Variants in MYT1 observed in about 807,000 individuals in gnomAD.
MYT1 encodes myelin transcription factor I.
MYT1 carries 23 observed loss-of-function variants against 123.0 expected under a neutral mutation model. The ratio of observed to expected loss-of-function variants is 0.19; its 90% CI spans 0.13 to 0.26. The LOEUF is 0.26. MYT1 is among the 10% of genes least tolerant of loss of function. The probability of loss-of-function intolerance (pLI) is 1.00; values close to 1 mark genes in which losing one functional copy is unlikely to be tolerated. For missense variants in MYT1, 1,125 were observed against 1,472.5 expected (o/e 0.76, Z 3.86); for synonymous variants, 518 against 575.3 (o/e 0.90, Z 1.43).
intron 16 of MYT1, among the ~76,000 whole-genome samples, chr20:64,224,375 C>G (rs1984104821): frequency 6.6e-6 from 1 of 152,208 alleles, no homozygotes; most frequent in Non-Finnish European, 1.5e-5. Flanking sequence ...TTCTAGGGAC[C>G]TTGGCTGGCT....
rs1165097721 is a variant in MYT1 at position 64,167,270 on chromosome 20, T to C, written c.-99+2531T>C. The stretch of plus-strand genomic sequence containing the variant: ...GCCTCCAGCCGCTGCTCGGTGGCAG[T>C]GGGCGGGCTGGTGGGGGCTGAGCTC... On this transcript the variant is annotated intron_variant, in intron 1 of 22. Transcript: ENST00000328439. This position sits in a 1 kb window ranked among gnomAD's most constrained non-coding sequence, Gnocchi z 6.3. Among the ~76,000 whole-genome samples, 1 of 152,144 alleles carries C rather than the reference T, an allele frequency of 6.6e-6. No individual in the cohort carries two copies. Among genetic ancestry groups the C allele is most frequent in the Non-Finnish European group, 1.5e-5 (1 of 67,998 alleles).
intron 3 of MYT1, 24 bp downstream of exon 3, chr20:64,198,940 C>G (rs777972769): frequency 6.2e-7 from 1 of 1,612,834 alleles, no homozygotes; most frequent in African/African-American, 1.3e-5. Flanking sequence ...TCCCCTCCTC[C>G]AGGGCTGTAA....
In MYT1 at chr20:64,167,286, G is replaced by A. The variant is rs766140392; in HGVS notation, c.-99+2547G>A. Among the ~76,000 whole-genome samples the A allele has an allele frequency of 7.4e-4, 112 of 152,332 alleles. No individual in the cohort carries two copies. Among genetic ancestry groups the A allele is most frequent in the Non-Finnish European group, 1.3e-3 (89 of 68,022 alleles). ...CGGTGGCAGTGGGCGGGCTGGTGGG[G>A]GCTGAGCTCTTCCTGGACGGACTCA... On this transcript the variant is annotated intron_variant, in intron 1 of 22. Coordinates refer to ENST00000328439, the MANE Select transcript of MYT1 (RefSeq NM_004535.3). This position sits in a 1 kb window ranked among gnomAD's most constrained non-coding sequence, Gnocchi z 6.3.
intron 19 of MYT1, among the ~76,000 whole-genome samples, chr20:64,233,204 C>T (rs1178576274): frequency 1.6e-4 from 18 of 109,862 alleles, no homozygotes; most frequent in Admixed American, 1.5e-3. Flanking sequence ...CCTCTCCCTT[C>T]CCCTATCCCT....
intron 8 of MYT1, 135 bp from the exon 9 acceptor site, chr20:64,211,913 G>A: frequency 1.4e-6 from 1 of 723,546 alleles, no homozygotes; most frequent in Non-Finnish European, 2.4e-6. Flanking sequence ...GCGTTGCTGT[G>A]TCCCCCACCT....
intron 1 of MYT1, among the ~76,000 whole-genome samples, chr20:64,179,568 C>T (rs554548529): frequency 3.3e-5 from 5 of 152,282 alleles, no homozygotes; most frequent in African/African-American, 9.6e-5. Flanking sequence ...CTGTTTTACC[C>T]CATGGGCTGA....
intron 19 of MYT1, among the ~76,000 whole-genome samples, chr20:64,235,335 G>A (rs1401141503): frequency 1.6e-4 from 19 of 119,374 alleles, no homozygotes; most frequent in South Asian, 9.7e-4. Context: ...TGGGCTGGCC[G>A]TGGTGGGTGA....
intron 12 of MYT1, 68 bp downstream of exon 12, chr20:64,219,103 C>A: frequency 6.6e-7 from 1 of 1,516,016 alleles, no homozygotes; most frequent in Non-Finnish European, 8.9e-7. Flanking sequence ...TCAGGCCCAC[C>A]TGCTCTCTGC....
intron 1 of MYT1, among the ~76,000 whole-genome samples, chr20:64,165,536 CA>C (rs1982055429): frequency 6.6e-6 from 1 of 152,126 alleles, no homozygotes. Flanking sequence ...CTCTATAAAC[CA>C]GGAAAATAAA....
At position 64,185,446 on chromosome 20, in the gene MYT1, G is replaced by A. The variant is rs1982773960; in HGVS notation, c.-98-4617G>A. On this transcript the variant is annotated intron_variant, in intron 1 of 22. Coordinates refer to ENST00000328439, the MANE Select transcript of MYT1 (RefSeq NM_004535.3). This position sits in a 1 kb window ranked among gnomAD's most constrained non-coding sequence, Gnocchi z 4.5. ...GCCCCAAAGGCAGCCCTAGTTACCA[G>A]AGATGCAAAACCTAGTGAAGACTGA... Among the ~76,000 whole-genome samples the A allele has an allele frequency of 6.6e-6, 1 of 152,212 alleles. No individual in the cohort carries two copies. The highest frequency in any genetic ancestry group is 1.5e-5 in the Non-Finnish European group (1 of 68,034).
chr20:64,240,190 G>T, intron 22 of MYT1, 130 bp from the exon 23 acceptor site: 1 of 1,334,468 alleles, frequency 7.5e-7, no homozygotes, highest in Non-Finnish European at 1.0e-6. Flanking sequence ...GGAACGCCCA[G>T]TGCTGCCTCT....
At chr20:64,180,601 G>A (rs557724861) in intron 1 of MYT1, among the ~76,000 whole-genome samples, 1 of 152,312 alleles carries the variant, frequency 6.6e-6, no homozygotes, top group African/African-American at 2.4e-5. Flanking sequence ...TCTGGTGCTG[G>A]GGAGCCTCAC....
At position 64,241,229 on chromosome 20, in the gene MYT1, G is replaced by T. The variant is rs966606943; in HGVS notation, c.*781G>T. 2.0e-5 allele frequency: 3 copies of T among 152,168 alleles called. No homozygotes were observed. The highest frequency in any genetic ancestry group is 7.2e-5 in the African/African-American group (3 of 41,430). The allele number at this position is 152,168 out of a possible 1,614,324, so 9.4% of individuals were successfully genotyped here. ...CTCTGGCTTCTGTGCATCCACCCAG[G>T]CCCCCGACCCATCACTGCCACATTC... is the stretch of plus-strand genomic sequence containing the variant. On this transcript the variant is annotated 3_prime_UTR_variant, in exon 23 of 23. Coordinates refer to ENST00000328439, the MANE Select transcript of MYT1 (RefSeq NM_004535.3). The surrounding 1 kb of genome is among the most constrained non-coding windows in gnomAD (Gnocchi z 4.2).
Position 64,166,136 on chromosome 20 carries a change from A to G in MYT1, c.-99+1397A>G, listed in dbSNP as rs1457445237. Among the ~76,000 whole-genome samples the G allele has an allele frequency of 6.6e-6, 1 of 152,076 alleles. No homozygotes were observed. Among genetic ancestry groups the G allele is most frequent in the East Asian group, 1.9e-4 (1 of 5,176 alleles). On this transcript the variant is annotated intron_variant, in intron 1 of 22. Transcript: ENST00000328439. This position sits in a 1 kb window ranked among gnomAD's most constrained non-coding sequence, Gnocchi z 4.9. Reference sequence around the variant, plus strand: ...GGCTGTGATTATCGCCTCCTTCCATATGGCCCTGTTAATTAACGGTAAACA... The same window carrying G: ...GGCTGTGATTATCGCCTCCTTCCATGTGGCCCTGTTAATTAACGGTAAACA...
intron 16 of MYT1, among the ~76,000 whole-genome samples, chr20:64,225,321 G>C (rs995098651): frequency 6.6e-6 from 1 of 152,232 alleles, no homozygotes; most frequent in Non-Finnish European, 1.5e-5. Flanking sequence ...TGGGACAAAC[G>C]AGGTTCCTTT....
At chr20:64,199,046 T>G in intron 3 of MYT1, 130 bp downstream of exon 3, 3 of 929,548 alleles carry the variant, frequency 3.2e-6, no homozygotes, top group Non-Finnish European at 4.9e-6. Context: ...TCAGCCTCAT[T>G]CATCCTCAGG....
chr20:64,214,876 G>A (rs779890369), intron 10 of MYT1, among the ~76,000 whole-genome samples: 3 of 152,200 alleles, frequency 2.0e-5, no homozygotes, highest in Non-Finnish European at 4.4e-5. Context: ...GATCTTCGCT[G>A]CTCACCTTGG....
chr20:64,167,505 G>A lies in MYT1; in HGVS notation c.-99+2766G>A, dbSNP rs1371097806. On this transcript the variant is annotated intron_variant, in intron 1 of 22. Transcript: ENST00000328439. The surrounding 1 kb of genome is among the most constrained non-coding windows in gnomAD (Gnocchi z 6.3). The stretch of plus-strand genomic sequence containing the variant: ...GGGGTCAGGAGGTTAGCTGTGGGGT[G>A]GGTGGGGGCTGCTGGCGGTCACCTG... Among the ~76,000 whole-genome samples, 1 of 152,134 alleles carries A rather than the reference G, an allele frequency of 6.6e-6. No individual in the cohort carries two copies. Among genetic ancestry groups the A allele is most frequent in the African/African-American group, 2.4e-5 (1 of 41,390 alleles).
intron 16 of MYT1, among the ~76,000 whole-genome samples, chr20:64,225,679 G>C (rs953991704): frequency 1.3e-5 from 2 of 152,192 alleles, no homozygotes; most frequent in African/African-American, 2.4e-5. Flanking sequence ...AGAAGCAGGT[G>C]GTGGGAGGGG....
Sources: gnomAD v4.1 joint callset for allele counts (sites outside exome capture counted in the v4.1 genomes callset) on GRCh38, gnomAD v4.1.1 for gene constraint, Gnocchi (gnomAD v3.1) non-coding constraint, MANE v1.5 for transcripts, NCBI Gene and HGNC (gene_info 2026-07-23, HGNC 2026-07-21) for gene names.